Variants in FBXO25 observed in about 807,000 individuals in gnomAD.
FBXO25 encodes the protein F-box protein 25, also known as F-box only protein 25.
FBXO25 carries 45 observed loss-of-function variants against 51.9 expected under a neutral mutation model. The ratio of observed to expected loss-of-function variants is 0.87; its 90% CI spans 0.68 to 1.11. The LOEUF is 1.11. FBXO25 is among the 50% of genes most tolerant of loss of function. The probability of loss-of-function intolerance (pLI) is 0.00; values close to 1 mark genes in which losing one functional copy is unlikely to be tolerated. For synonymous variants in FBXO25, 199 were observed against 151.0 expected, an observed-to-expected ratio of 1.32 and a Z score of -2.33; for missense variants, 507 against 428.5, an observed-to-expected ratio of 1.18 and a Z score of -1.62.
intron 5 of FBXO25, among the ~76,000 whole-genome samples, chr8:449,002 C>A (rs1163823908): frequency 1.3e-5 from 2 of 152,188 alleles, no homozygotes; most frequent in African/African-American, 4.8e-5. Flanking sequence ...GCTACAAAAA[C>A]ATGTCATAAA....
rs1253442750 is a variant in FBXO25, at chr8:477,244, C to T, written c.*8440C>T. The T allele has an allele frequency of 1.3e-5, 2 of 152,204 alleles. No individual in the cohort carries two copies. The highest frequency in any genetic ancestry group is 2.4e-5 in the African/African-American group (1 of 41,440). The allele number at this position is 152,204 out of a possible 1,614,324, so 9.4% of individuals were successfully genotyped here. ...AAGGTCCATTTGCACTTGAGAAAAA[C>T]GTGTGTACTGCTGTTGTGTCTGTTA... On this transcript the variant is annotated 3_prime_UTR_variant, in exon 10 of 10. Coordinates refer to ENST00000350302, the MANE Select transcript of FBXO25 (RefSeq NM_183420.2).
intron 4 of FBXO25, chr8:435,307 G>A (rs987243615): frequency 4.8e-5 from 17 of 356,242 alleles, no homozygotes; most frequent in Admixed American, 9.4e-5. Flanking sequence ...TAGCTTTAAC[G>A]TCGTCCACAC....
rs1216503655 is a variant in FBXO25, at chr8:458,429, T to C, written c.721T>C (p.Tyr241His). ...TCTGCACATGCTGAACAACATCCTA[T>C]ACCGGTTCTCAGACGGATGGGACAT... ...LPLHMLNNILYRFSDGWDIIT... is the reference protein window; with the variant it reads ...LPLHMLNNILHRFSDGWDIIT... Residue 241 changes from tyrosine to histidine, a missense_variant, in exon 8 of 10, where the codon TAC becomes CAC. Coordinates refer to ENST00000350302, the MANE Select transcript of FBXO25 (RefSeq NM_183420.2). 2 of 1,614,120 alleles carry C rather than the reference T, an allele frequency of 1.2e-6. No homozygotes were observed. Among genetic ancestry groups the C allele is most frequent in the African/African-American group, 2.7e-5 (2 of 74,944 alleles).
At chr8:408,660 TGAAG>T (rs1796312201) in intron 1 of FBXO25, among the ~76,000 whole-genome samples, 1 of 152,268 alleles carries the variant, frequency 6.6e-6, no homozygotes, top group South Asian at 2.1e-4. Context: ...ATATGCTTGT[TGAAG>T]GAAAGACATT....
At position 472,746 on chromosome 8, in the gene FBXO25, T is replaced by C. The variant is rs1194988476; in HGVS notation, c.*3942T>C. Reference sequence around the variant, plus strand: ...CTCCAGAGATGCCTTTTAATGGTTTTTCTTTTCATTGCGAAGGCCTAACTT... The same window carrying C: ...CTCCAGAGATGCCTTTTAATGGTTTCTCTTTTCATTGCGAAGGCCTAACTT... On this transcript the variant is annotated 3_prime_UTR_variant, in exon 10 of 10. Coordinates refer to ENST00000350302, the MANE Select transcript of FBXO25 (RefSeq NM_183420.2). The C allele has an allele frequency of 6.6e-6, 1 of 152,236 alleles. No homozygotes were observed. Among genetic ancestry groups the C allele is most frequent in the African/African-American group, 2.4e-5 (1 of 41,460 alleles). The allele number at this position is 152,236 out of a possible 1,614,324, so 9.4% of individuals were successfully genotyped here. A position where few individuals can be genotyped will look rare whatever the true frequency, so the allele number is the denominator to read the frequency against.
At chr8:463,238 A>T in intron 9 of FBXO25, 88 bp downstream of exon 9, 1 of 1,415,856 alleles carries the variant, frequency 7.1e-7, no homozygotes, top group African/African-American at 1.4e-5. Context: ...AAGACTAAAA[A>T]GCGGAAAATA....
At position 468,379 on chromosome 8, in the gene FBXO25, C is replaced by A. The variant is rs1054442658; in HGVS notation, c.988-336C>A. On this transcript the variant is annotated intron_variant, in intron 9 of 9. Transcript: ENST00000350302. ...GGCTGGGACCAGAGGACAGAAAGTC[C>A]CCAGTGGTTTCTTCTGTGGCCTTGT... 9 of 659,628 alleles carry A rather than the reference C, an allele frequency of 1.4e-5. No individual in the cohort carries two copies. In the Admixed American group the frequency reaches 3.8e-4, roughly 28 times the overall value. The allele number at this position is 659,628 out of a possible 1,614,324, so 40.9% of individuals were successfully genotyped here. A position where few individuals can be genotyped will look rare whatever the true frequency, so the allele number is the denominator to read the frequency against.
intron 5 of FBXO25, among the ~76,000 whole-genome samples, chr8:445,843 C>G (rs536003418): frequency 6.6e-6 from 1 of 152,334 alleles, no homozygotes; most frequent in South Asian, 2.1e-4. Context: ...TGCACTCCAG[C>G]CTGGGGGACA....
In FBXO25 at chr8:468,874, C is replaced by T. The variant is rs572624912; in HGVS notation, c.*70C>T. 4.1e-6 allele frequency: 6 copies of T among 1,467,722 alleles called. No individual in the cohort carries two copies. Among genetic ancestry groups the T allele is most frequent in the Admixed American group, 1.9e-5 (1 of 51,468 alleles). The allele number at this position is 1,467,722 out of a possible 1,614,324, so 90.9% of individuals were successfully genotyped here. ...CTGTGCAGGGCTCATAGTGAGTGTT[C>T]TGTGAGGTGGGTGGAGACTCCTCGG... On this transcript the variant is annotated 3_prime_UTR_variant, in exon 10 of 10. Coordinates refer to ENST00000350302, the MANE Select transcript of FBXO25 (RefSeq NM_183420.2).
At chr8:419,186 C>A (rs1039633248) in intron 2 of FBXO25, among the ~76,000 whole-genome samples, 6 of 151,830 alleles carry the variant, frequency 4.0e-5, no homozygotes, top group Non-Finnish European at 8.8e-5. Context: ...ATGGTGAAAC[C>A]CCGTCTCTAC....
rs190561870 is a variant in FBXO25, at chr8:416,757, A to T, written c.134+3544A>T. On this transcript the variant is annotated intron_variant, in intron 2 of 9. Transcript: ENST00000350302. ...GTTACACCTGTTTAGTCCACAATAT[A>T]TTAAGGATTTACTATGTGCTGTGGT... 2.0e-5 allele frequency among the ~76,000 whole-genome samples: 3 copies of T among 152,350 alleles called. No individual in the cohort carries two copies. The East Asian group carries it at 5.8e-4, about 29-fold the overall frequency.
At chr8:424,071 C>A (rs1797323227) in intron 2 of FBXO25, among the ~76,000 whole-genome samples, 1 of 151,096 alleles carries the variant, frequency 6.6e-6, no homozygotes, top group African/African-American at 2.4e-5. Flanking sequence ...TGTTTGTTGG[C>A]CACTTGTATA....
At position 468,820 on chromosome 8, in the gene FBXO25, T is replaced by C. The variant is rs748052152; in HGVS notation, c.*16T>C. On this transcript the variant is annotated 3_prime_UTR_variant, in exon 10 of 10. Transcript: ENST00000350302. The stretch of plus-strand genomic sequence containing the variant: ...CAAGTTTTAAGGGCTGCCCCTGCCA[T>C]CCCTATTGGAGATTGTGAATCCTGC... 1.9e-6 allele frequency: 3 copies of C among 1,611,852 alleles called. No individual in the cohort carries two copies. The South Asian group carries it at 3.3e-5, about 18-fold the overall frequency.
rs1196098459 is a variant in FBXO25 at position 471,744 on chromosome 8, G to C, written c.*2940G>C. On this transcript the variant is annotated 3_prime_UTR_variant, in exon 10 of 10. Coordinates refer to ENST00000350302, the MANE Select transcript of FBXO25 (RefSeq NM_183420.2). ...CCTAATTTATGAATACACACAAATT[G>C]GAAAGCCATGCAGTAGCCTCTCAGG... 2.6e-5 allele frequency: 4 copies of C among 152,192 alleles called. No homozygotes were observed. Among genetic ancestry groups the C allele is most frequent in the Non-Finnish European group, 5.9e-5 (4 of 68,044 alleles). The allele number at this position is 152,192 out of a possible 1,614,324, so 9.4% of individuals were successfully genotyped here.
intron 1 of FBXO25, among the ~76,000 whole-genome samples, chr8:408,114 T>A (rs1268399209): frequency 2.6e-5 from 4 of 152,238 alleles, no homozygotes; most frequent in African/African-American, 7.2e-5. Context: ...GTACAACTTA[T>A]TTCTGACTCT....
intron 2 of FBXO25, among the ~76,000 whole-genome samples, chr8:415,431 A>C (rs1471827959): frequency 6.6e-6 from 1 of 152,222 alleles, no homozygotes; most frequent in African/African-American, 2.4e-5. Flanking sequence ...ACTGAGGTTT[A>C]AACATAGTTT....
At chr8:441,572 G>A (rs539916811) in intron 5 of FBXO25, among the ~76,000 whole-genome samples, 12 of 152,294 alleles carry the variant, frequency 7.9e-5, no homozygotes, top group African/African-American at 2.2e-4. Flanking sequence ...TTATCACAGC[G>A]AAGAGGCAAC....
intron 2 of FBXO25, among the ~76,000 whole-genome samples, chr8:423,160 C>T (rs949613070): frequency 6.6e-6 from 1 of 152,190 alleles, no homozygotes; most frequent in African/African-American, 2.4e-5. Context: ...ACAGGGTTTT[C>T]TCTCTGTCTT....
chr8:448,287 A>G (rs1327381547), intron 5 of FBXO25, among the ~76,000 whole-genome samples: 2 of 152,192 alleles, frequency 1.3e-5, no homozygotes, highest in Non-Finnish European at 2.9e-5. Flanking sequence ...GTTGACTGAG[A>G]ACAGGTTATG....
Sources: allele counts gnomAD v4.1 joint callset (sites outside exome capture counted in the v4.1 genomes callset), GRCh38; gene constraint gnomAD v4.1.1; transcripts MANE v1.5; gene names NCBI Gene and HGNC (gene_info 2026-07-23, HGNC 2026-07-21).